ARHGAP26: variants seen among roughly 807,000 people sequenced by gnomAD.
The protein encoded by ARHGAP26 is rho GTPase-activating protein 26.
ARHGAP26 carries 38 observed loss-of-function variants against 104.8 expected under a neutral mutation model. The ratio of observed to expected loss-of-function variants is 0.36; its 90% CI spans 0.28 to 0.48. The LOEUF is 0.48. Ranked by LOEUF, ARHGAP26 falls within the 20% of genes least tolerant of loss-of-function variation. The pLI is 0.99. For missense variants in ARHGAP26, 704 were observed against 947.9 expected (o/e 0.74, Z 3.38); for synonymous variants, 341 against 340.0 (o/e 1.00, Z -0.03).
intron 12 of ARHGAP26, among the ~76,000 whole-genome samples, chr5:143,021,994 A>G (rs536251661): frequency 6.3e-4 from 96 of 152,300 alleles, no homozygotes; most frequent in African/African-American, 1.9e-3. Flanking sequence ...AGTATATTTT[A>G]AATTACCATC....
At chr5:143,162,267 A>G (rs1449914051) in intron 20 of ARHGAP26, among the ~76,000 whole-genome samples, 1 of 131,458 alleles carries the variant, frequency 7.6e-6, no homozygotes, top group Non-Finnish European at 1.6e-5. Flanking sequence ...CAGACACTCT[A>G]CTCCCAAACA....
intron 6 of ARHGAP26, among the ~76,000 whole-genome samples, chr5:142,898,147 T>C (rs1173311582): frequency 3.0e-5 from 4 of 132,736 alleles, no homozygotes; most frequent in African/African-American, 1.3e-4. Context: ...GGGATATATA[T>C]GTGTGTATAT....
At chr5:143,022,727 G>A (rs915904313) in intron 12 of ARHGAP26, among the ~76,000 whole-genome samples, 6 of 152,202 alleles carry the variant, frequency 3.9e-5, no homozygotes, top group Admixed American at 1.3e-4. Context: ...CACAGCAACT[G>A]AGTTTCCAAA....
chr5:143,066,150 A>G (rs1263084923), intron 17 of ARHGAP26, among the ~76,000 whole-genome samples: 2 of 152,216 alleles, frequency 1.3e-5, no homozygotes, highest in Non-Finnish European at 2.9e-5. Flanking sequence ...GTTTAGATGC[A>G]CAAGTACTTC....
chr5:143,002,376 T>TGGGTTGGGGGTTGG (rs545352451), intron 11 of ARHGAP26, among the ~76,000 whole-genome samples: 2 of 79,258 alleles, frequency 2.5e-5, no homozygotes, highest in Non-Finnish European at 4.9e-5. Context: ...CCAAAAACAC[T>TGGGTTGGGGGTTGG]GGGTTGGGGG....
intron 1 of ARHGAP26, among the ~76,000 whole-genome samples, chr5:142,859,023 T>C (rs1009307439): frequency 6.6e-6 from 1 of 152,042 alleles, no homozygotes; most frequent in Non-Finnish European, 1.5e-5. Flanking sequence ...GCAAGGCCAG[T>C]GGGGTGTGCA....
chr5:142,817,597 T>C (rs1366284259), intron 1 of ARHGAP26, among the ~76,000 whole-genome samples: 2 of 152,166 alleles, frequency 1.3e-5, no homozygotes, highest in African/African-American at 2.4e-5. Context: ...CCATCTTTGT[T>C]ACTCACGTTC....
chr5:142,874,009 C>G (rs1755710048), intron 2 of ARHGAP26, among the ~76,000 whole-genome samples: 1 of 152,226 alleles, frequency 6.6e-6, no homozygotes, highest in Non-Finnish European at 1.5e-5. Flanking sequence ...GATCTACTGG[C>G]TCCCTCTTCT....
At chr5:142,787,615 C>G (rs1200970402) in intron 1 of ARHGAP26, among the ~76,000 whole-genome samples, 3 of 152,180 alleles carry the variant, frequency 2.0e-5, no homozygotes, top group South Asian at 4.1e-4. Flanking sequence ...GCAGGCTGAC[C>G]CTTCTGCCTT....
chr5:143,015,990 A>G (rs771614363), intron 12 of ARHGAP26, among the ~76,000 whole-genome samples: 1 of 152,246 alleles, frequency 6.6e-6, no homozygotes, highest in Non-Finnish European at 1.5e-5. Context: ...GAGTGCAAAG[A>G]TAGTTTGTAC....
intron 1 of ARHGAP26, among the ~76,000 whole-genome samples, chr5:142,797,897 T>C (rs1761312261): frequency 2.0e-5 from 3 of 152,196 alleles, no homozygotes; most frequent in Non-Finnish European, 4.4e-5. Flanking sequence ...GGCTTGACAT[T>C]CTGCATTTCT....
At chr5:143,009,205 C>A (rs571117902) in intron 11 of ARHGAP26, among the ~76,000 whole-genome samples, 1 of 152,106 alleles carries the variant, frequency 6.6e-6, no homozygotes, top group East Asian at 1.9e-4. Context: ...GAAGGCTGTT[C>A]CCAGTTTCAT....
chr5:143,213,375 T>TGC (rs1809816899), intron 21 of ARHGAP26, among the ~76,000 whole-genome samples: 1 of 152,002 alleles, frequency 6.6e-6, no homozygotes, highest in South Asian at 2.1e-4. Context: ...TGTGTGCTCA[T>TGC]GCACACACAT....
intron 20 of ARHGAP26, among the ~76,000 whole-genome samples, chr5:143,186,741 G>C (rs1204170212): frequency 1.3e-5 from 2 of 152,212 alleles, no homozygotes; most frequent in African/African-American, 4.8e-5. Flanking sequence ...GAACTTGTCT[G>C]TGAACATTTT....
At chr5:142,915,133 A>G (rs1373972269) in intron 10 of ARHGAP26, among the ~76,000 whole-genome samples, 1 of 152,076 alleles carries the variant, frequency 6.6e-6, no homozygotes, top group Admixed American at 6.5e-5. Flanking sequence ...TGGCACCTCC[A>G]TCTTATTTCC....
intron 1 of ARHGAP26, among the ~76,000 whole-genome samples, chr5:142,803,499 C>T (rs573612896): frequency 1.3e-5 from 2 of 152,274 alleles, no homozygotes; most frequent in South Asian, 2.1e-4. Flanking sequence ...TGGCCTTTCA[C>T]GAAAGGTCCC....
At chr5:142,857,686 C>T (rs969185717) in intron 1 of ARHGAP26, among the ~76,000 whole-genome samples, 1 of 152,210 alleles carries the variant, frequency 6.6e-6, no homozygotes, top group Admixed American at 6.5e-5. Context: ...CTTCTCTCCT[C>T]TGGGAACAGT....
intron 11 of ARHGAP26, among the ~76,000 whole-genome samples, chr5:142,967,438 A>G (rs1458420212): frequency 1.3e-5 from 2 of 152,208 alleles, no homozygotes; most frequent in South Asian, 2.1e-4. Flanking sequence ...TGTCATCACT[A>G]ACGGATGGAT....
chr5:142,967,455 A>C (rs1191594781), intron 11 of ARHGAP26, among the ~76,000 whole-genome samples: 1 of 152,224 alleles, frequency 6.6e-6, no homozygotes, highest in Non-Finnish European at 1.5e-5. Context: ...GGATGGAATC[A>C]GTGGATGGTT....
Sources: allele counts gnomAD v4.1 joint callset (sites outside exome capture counted in the v4.1 genomes callset), GRCh38; gene constraint gnomAD v4.1.1; transcripts MANE v1.5; gene names NCBI Gene and HGNC (gene_info 2026-07-23, HGNC 2026-07-21).